Variants in PARD6G observed in about 807,000 individuals in gnomAD.
PARD6G encodes par-6 family cell polarity regulator gamma.
In PARD6G, 7 loss-of-function variants were observed where a neutral mutation model predicts 10.7. The ratio of observed to expected loss-of-function variants is 0.66; its 90% CI spans 0.37 to 1.23. The LOEUF (loss-of-function observed/expected upper bound fraction) is 1.23, where lower values mean the gene tolerates loss of function less well. Among genes scored for constraint, PARD6G ranks in the 50% most tolerant of loss-of-function variants. PARD6G has a pLI of 0.02. For synonymous variants in PARD6G, 287 were observed against 269.4 expected, an observed-to-expected ratio of 1.07 and a Z score of -0.64; for missense variants, 548 against 571.8, an observed-to-expected ratio of 0.96 and a Z score of 0.42.
chr18:80,188,264 G>A lies in PARD6G; in HGVS notation c.295+14446C>T, dbSNP rs2052890682. Reference sequence around the variant, plus strand: ...GCCCCACCCTGGCCTCTCCCTAAGGGCGTGGAGGTGGCCTGATCTCACTGC... The same window carrying A: ...GCCCCACCCTGGCCTCTCCCTAAGGACGTGGAGGTGGCCTGATCTCACTGC... On this transcript the variant is annotated intron_variant, in intron 2 of 2. Transcript: ENST00000353265. The surrounding 1 kb of genome is among the most constrained non-coding windows in gnomAD (Gnocchi z 5.4). Among the ~76,000 whole-genome samples, 1 of 152,182 alleles carries A rather than the reference G, an allele frequency of 6.6e-6. No homozygotes were observed. The highest frequency in any genetic ancestry group is 6.5e-5 in the Admixed American group (1 of 15,288).
intron 1 of PARD6G, among the ~76,000 whole-genome samples, chr18:80,214,759 A>G (rs1023010714): frequency 5.9e-5 from 9 of 152,164 alleles, no homozygotes; most frequent in African/African-American, 2.2e-4. Context: ...CCCAGAGGAG[A>G]GAAAGAGGAA....
At chr18:80,224,361 C>T (rs1385600475) in intron 1 of PARD6G, among the ~76,000 whole-genome samples, 2 of 152,144 alleles carry the variant, frequency 1.3e-5, no homozygotes, top group African/African-American at 4.8e-5. Flanking sequence ...CTTTTTCTGT[C>T]TAAAACAAAA....
rs1233732833 is a variant in PARD6G at position 80,175,466 on chromosome 18, GAC to G, written c.296-14862_296-14861del. Among the ~76,000 whole-genome samples, 2 of 152,228 alleles carry G rather than the reference GAC, an allele frequency of 1.3e-5. No individual in the cohort carries two copies. Among genetic ancestry groups the G allele is most frequent in the South Asian group, 2.1e-4 (1 of 4,826 alleles). ...CTCTGGTGCCTCCTCCTCTGCTTAC[GAC>G]ACAGTCTGATTAGGTCAGGGCTTCG... On this transcript the variant is annotated intron_variant, in intron 2 of 2. Transcript: ENST00000353265. This position sits in a 1 kb window ranked among gnomAD's most constrained non-coding sequence, Gnocchi z 6.7.
At chr18:80,242,592 G>T (rs1967502315) in intron 1 of PARD6G, among the ~76,000 whole-genome samples, 1 of 152,218 alleles carries the variant, frequency 6.6e-6, no homozygotes, top group Admixed American at 6.5e-5. Flanking sequence ...TGTCATCCTG[G>T]AGGGCCCAAG....
intron 1 of PARD6G, among the ~76,000 whole-genome samples, chr18:80,213,790 C>T (rs1423762252): frequency 1.3e-5 from 2 of 151,892 alleles, no homozygotes; most frequent in East Asian, 3.9e-4. Context: ...AACCCAGCCT[C>T]TACTAAAAAT....
In PARD6G at chr18:80,192,846, C is replaced by T. The variant is rs1418374311; in HGVS notation, c.295+9864G>A. On this transcript the variant is annotated intron_variant, in intron 2 of 2. Transcript: ENST00000353265. This position sits in a 1 kb window ranked among gnomAD's most constrained non-coding sequence, Gnocchi z 4.9. ...CGGCCGTGGGAGCTGGGCTGTCAGT[C>T]CTCCCCTCACTCCTGTGTGGAGGGC... 6.6e-6 allele frequency among the ~76,000 whole-genome samples: 1 copy of T among 152,100 alleles called. No homozygotes were observed. The highest frequency in any genetic ancestry group is 1.5e-5 in the Non-Finnish European group (1 of 68,020).
At chr18:80,199,896 C>T (rs750332827) in intron 2 of PARD6G, among the ~76,000 whole-genome samples, 4 of 152,170 alleles carry the variant, frequency 2.6e-5, no homozygotes, top group African/African-American at 7.2e-5. Flanking sequence ...CCACCCGCCT[C>T]GGCCTCCCAA....
At chr18:80,214,919 T>C (rs962882765) in intron 1 of PARD6G, among the ~76,000 whole-genome samples, 1 of 151,890 alleles carries the variant, frequency 6.6e-6, no homozygotes, top group Non-Finnish European at 1.5e-5. Flanking sequence ...ACACATCACA[T>C]GCAAACTGCC....
At chr18:80,166,835 G>A (rs1278497858) in intron 2 of PARD6G, among the ~76,000 whole-genome samples, 5 of 151,722 alleles carry the variant, frequency 3.3e-5, no homozygotes, top group African/African-American at 9.7e-5. Context: ...TCCCTTCAGG[G>A]CCCCTTCTCC....
At chr18:80,173,136 A>G (rs2052787931) in intron 2 of PARD6G, among the ~76,000 whole-genome samples, 1 of 152,198 alleles carries the variant, frequency 6.6e-6, no homozygotes, top group East Asian at 1.9e-4. Flanking sequence ...CAACTACCCA[A>G]TGTAGAAAGT....
Position 80,247,214 on chromosome 18 carries a change from G to A in PARD6G, c.72+63C>T. 1 of 1,369,732 alleles carries A rather than the reference G, an allele frequency of 7.3e-7. No homozygotes were observed. Among genetic ancestry groups the A allele is most frequent in the Non-Finnish European group, 1.0e-6 (1 of 1,000,036 alleles). 84.8% of individuals were successfully genotyped at this position (1,369,732 alleles called of 1,614,324 possible). On this transcript the variant is annotated intron_variant, in intron 1 of 2. Transcript: ENST00000353265. The surrounding 1 kb of genome is among the most constrained non-coding windows in gnomAD (Gnocchi z 4.2). ...CACGCCGCCCCAGTCCCCCTCCGCG[G>A]GGCGCCCCATTCATTAGCCAGGAGA...
intron 1 of PARD6G, among the ~76,000 whole-genome samples, chr18:80,244,331 A>G (rs1967520429): frequency 6.6e-6 from 1 of 152,176 alleles, no homozygotes; most frequent in Admixed American, 6.5e-5. Flanking sequence ...GAACAGATGA[A>G]TCACTGGAAT....
At chr18:80,177,429 G>A (rs80084649) in intron 2 of PARD6G, among the ~76,000 whole-genome samples, 6,421 of 129,332 alleles carry the variant, frequency 0.05, 190 homozygotes, top group Non-Finnish European at 0.073. Flanking sequence ...ACGCAAACAC[G>A]CACACACAGG....
rs1050412641 is a variant in PARD6G at position 80,181,072 on chromosome 18, C to T, written c.296-20466G>A. ...TGTTCAAAGGTCTGAACCTCACGCG[C>T]GATCTCGACATTAGAACATGGGCTG... On this transcript the variant is annotated intron_variant, in intron 2 of 2. Transcript: ENST00000353265. This position sits in a 1 kb window ranked among gnomAD's most constrained non-coding sequence, Gnocchi z 7.9. Among the ~76,000 whole-genome samples, 3 of 152,160 alleles carry T rather than the reference C, an allele frequency of 2.0e-5. No individual in the cohort carries two copies. Among genetic ancestry groups the T allele is most frequent in the South Asian group, 2.1e-4 (1 of 4,828 alleles).
intron 1 of PARD6G, among the ~76,000 whole-genome samples, chr18:80,206,802 G>C (rs949701672): frequency 1.3e-5 from 2 of 152,022 alleles, no homozygotes; most frequent in Non-Finnish European, 2.9e-5. Context: ...TGTTTATTTG[G>C]ATGGCTAGTG....
chr18:80,163,654 G>A (rs947647281), intron 2 of PARD6G, among the ~76,000 whole-genome samples: 1 of 152,220 alleles, frequency 6.6e-6, no homozygotes, highest in Admixed American at 6.5e-5. Context: ...CGTGGTGCAC[G>A]GTGGACTGGA....
chr18:80,246,194 G>A lies in PARD6G; in HGVS notation c.72+1083C>T, dbSNP rs1276288904. On this transcript the variant is annotated intron_variant, in intron 1 of 2. Transcript: ENST00000353265. The surrounding 1 kb of genome is among the most constrained non-coding windows in gnomAD (Gnocchi z 6.7). ...AGCCTTTCCCACAACTCTGAGAACC[G>A]GGGTGCGAAGAAAGAAAGGGCGAAA... 2.0e-5 allele frequency among the ~76,000 whole-genome samples: 3 copies of A among 152,074 alleles called. No homozygotes were observed. Among genetic ancestry groups the A allele is most frequent in the East Asian group, 1.9e-4 (1 of 5,186 alleles).
intron 2 of PARD6G, among the ~76,000 whole-genome samples, chr18:80,191,404 C>T (rs1404227998): frequency 6.6e-6 from 1 of 152,122 alleles, no homozygotes; most frequent in Non-Finnish European, 1.5e-5. Flanking sequence ...GCTTTATCAA[C>T]CTAGAGGAAA....
intron 2 of PARD6G, among the ~76,000 whole-genome samples, chr18:80,178,908 G>A (rs1339043251): frequency 6.6e-6 from 1 of 152,194 alleles, no homozygotes; most frequent in African/African-American, 2.4e-5. Flanking sequence ...TCTGGGGAGG[G>A]AGTGAGGAAG....
Sources: allele counts gnomAD v4.1 joint callset (sites outside exome capture counted in the v4.1 genomes callset), GRCh38; gene constraint gnomAD v4.1.1; non-coding constraint Gnocchi (gnomAD v3.1); transcripts MANE v1.5; gene names NCBI Gene and HGNC (gene_info 2026-07-23, HGNC 2026-07-21).